C1orf21: variants seen among roughly 807,000 people sequenced by gnomAD.
The protein encoded by C1orf21 is uncharacterized protein C1orf21.
C1orf21 carries 3 observed loss-of-function variants against 18.7 expected under a neutral mutation model. The observed-to-expected ratio is 0.16, with a 90% CI of 0.07 to 0.42. C1orf21 has a LOEUF of 0.42. Among genes scored for constraint, C1orf21 ranks in the 10% least tolerant of loss-of-function variants. The probability of loss-of-function intolerance (pLI) is 0.99; values close to 1 mark genes in which losing one functional copy is unlikely to be tolerated. For missense variants in C1orf21, 104 were observed against 143.6 expected, an observed-to-expected ratio of 0.72 and a Z score of 1.41; for synonymous variants, 41 against 46.4, an observed-to-expected ratio of 0.88 and a Z score of 0.47.
intron 1 of C1orf21, among the ~76,000 whole-genome samples, chr1:184,453,920 T>A (rs61823546): frequency 0.12 from 18,402 of 152,248 alleles, 1,354 homozygotes; most frequent in Middle Eastern, 0.18. Flanking sequence ...TCTTTCCAGC[T>A]GTTGGAGAGA....
At chr1:184,550,522 G>A (rs1658796426) in intron 3 of C1orf21, among the ~76,000 whole-genome samples, 5 of 151,990 alleles carry the variant, frequency 3.3e-5, no homozygotes, top group Admixed American at 2.6e-4. Context: ...TGTTTTGTTT[G>A]TTTCTTTGTT....
intron 3 of C1orf21, among the ~76,000 whole-genome samples, chr1:184,577,335 C>T (rs369506638): frequency 2.6e-5 from 4 of 151,676 alleles, no homozygotes; most frequent in East Asian, 1.9e-4. Flanking sequence ...CGAGGCGGGT[C>T]GGTGATGTGT....
At chr1:184,493,890 TA>T (rs1331529038) in intron 2 of C1orf21, among the ~76,000 whole-genome samples, 2 of 152,232 alleles carry the variant, frequency 1.3e-5, no homozygotes, top group African/African-American at 4.8e-5. Flanking sequence ...AATGTGCTTT[TA>T]ACTCTGATGG....
At chr1:184,448,436 T>A (rs980907416) in intron 1 of C1orf21, among the ~76,000 whole-genome samples, 2 of 152,214 alleles carry the variant, frequency 1.3e-5, no homozygotes, top group East Asian at 3.8e-4. Flanking sequence ...CTGGAGGATT[T>A]GCTGGAATCC....
In C1orf21 at chr1:184,607,393, G is replaced by T. The variant is rs191138754; in HGVS notation, c.327+8932G>T. 1.9e-3 allele frequency among the ~76,000 whole-genome samples: 290 copies of T among 152,096 alleles called. 3 individuals carry two copies. The highest frequency in any genetic ancestry group is 6.8e-3 in the Middle Eastern group (2 of 294). ...ACTTAAAACATCAAATGATTTGTAG[G>T]CATAATATATAAAGAAGTAATATTA... On this transcript the variant is annotated intron_variant, in intron 5 of 5. Coordinates refer to ENST00000235307, the MANE Select transcript of C1orf21 (RefSeq NM_030806.4).
intron 1 of C1orf21, among the ~76,000 whole-genome samples, chr1:184,450,291 G>C (rs1001615774): frequency 4.6e-5 from 7 of 152,082 alleles, no homozygotes; most frequent in African/African-American, 1.4e-4. Context: ...CTGTGAACCT[G>C]GTGCCCCTCC....
At chr1:184,467,790 AC>A (rs761388515) in intron 1 of C1orf21, among the ~76,000 whole-genome samples, 21 of 152,164 alleles carry the variant, frequency 1.4e-4, no homozygotes, top group Non-Finnish European at 2.5e-4. Flanking sequence ...ATTGCCTACT[AC>A]TATGTGCCAG....
chr1:184,401,647 T>TAG (rs1656153022), intron 1 of C1orf21, among the ~76,000 whole-genome samples: 1 of 152,274 alleles, frequency 6.6e-6, no homozygotes, highest in South Asian at 2.1e-4. Context: ...GTGCAGTCAG[T>TAG]ATTATCAGTG....
intron 2 of C1orf21, among the ~76,000 whole-genome samples, chr1:184,503,038 A>G (rs1385259258): frequency 7.2e-6 from 1 of 139,548 alleles, no homozygotes; most frequent in African/African-American, 2.8e-5. Context: ...TGATCATGCC[A>G]TTGCACTCCA....
chr1:184,578,248 G>C (rs1016298997), intron 3 of C1orf21, among the ~76,000 whole-genome samples: 2 of 152,132 alleles, frequency 1.3e-5, no homozygotes, highest in African/African-American at 4.8e-5. Context: ...GAGCCACCAT[G>C]CCTGGCCAGT....
chr1:184,464,673 C>A (rs781368705), intron 1 of C1orf21, among the ~76,000 whole-genome samples: 18 of 152,080 alleles, frequency 1.2e-4, no homozygotes, highest in Admixed American at 8.5e-4. Flanking sequence ...GGAAAGAGAG[C>A]AAATTGAAGG....
At chr1:184,595,699 T>G (rs1659502337) in intron 4 of C1orf21, among the ~76,000 whole-genome samples, 2 of 152,110 alleles carry the variant, frequency 1.3e-5, no homozygotes, top group African/African-American at 2.4e-5. Flanking sequence ...GTGTGGGCAT[T>G]TGCTCCCCCG....
chr1:184,488,291 T>C (rs778026816), intron 2 of C1orf21, among the ~76,000 whole-genome samples: 5 of 152,230 alleles, frequency 3.3e-5, no homozygotes, highest in Non-Finnish European at 7.3e-5. Flanking sequence ...GCCTCATTTC[T>C]TTCAAAGTGT....
chr1:184,390,074 T>C (rs950527218), intron 1 of C1orf21, among the ~76,000 whole-genome samples: 5 of 152,184 alleles, frequency 3.3e-5, no homozygotes, highest in Non-Finnish European at 7.3e-5. Context: ...CGGAGGGAGA[T>C]TGTAGGATAC....
intron 3 of C1orf21, among the ~76,000 whole-genome samples, chr1:184,577,762 G>A (rs1427914475): frequency 6.6e-6 from 1 of 152,036 alleles, no homozygotes; most frequent in East Asian, 1.9e-4. Context: ...CACAAATGGT[G>A]GGTTTTTATT....
At chr1:184,403,930 G>A (rs1386345753) in intron 1 of C1orf21, among the ~76,000 whole-genome samples, 1 of 152,060 alleles carries the variant, frequency 6.6e-6, no homozygotes, top group Non-Finnish European at 1.5e-5. Flanking sequence ...CAGTTTTTTG[G>A]TACCATTTAT....
At chr1:184,522,176 T>C (rs560124084) in intron 3 of C1orf21, among the ~76,000 whole-genome samples, 1 of 152,198 alleles carries the variant, frequency 6.6e-6, no homozygotes, top group Admixed American at 6.5e-5. Context: ...TAGATACAGA[T>C]GGAAACATGG....
At chr1:184,600,563 T>C (rs1659573270) in intron 5 of C1orf21, among the ~76,000 whole-genome samples, 1 of 152,184 alleles carries the variant, frequency 6.6e-6, no homozygotes, top group African/African-American at 2.4e-5. Context: ...TGCTTTTGCA[T>C]CCAGAATGTA....
At position 184,623,920 on chromosome 1, in the gene C1orf21, T is replaced by C. The variant is rs1252297505; in HGVS notation, c.*4364T>C. 1 of 152,632 alleles carries C rather than the reference T, an allele frequency of 6.6e-6. No homozygotes were observed. The highest frequency in any genetic ancestry group is 2.4e-5 in the African/African-American group (1 of 41,452). 9.5% of individuals were successfully genotyped at this position (152,632 alleles called of 1,614,324 possible). ...TTGTACCTTATCTGGAATCTAATCT[T>C]GGGAGAAGAGGAAAAAGGAGCTAAT... On this transcript the variant is annotated 3_prime_UTR_variant, in exon 6 of 6. Coordinates refer to ENST00000235307, the MANE Select transcript of C1orf21 (RefSeq NM_030806.4).
Sources: gnomAD v4.1 joint callset for allele counts (sites outside exome capture counted in the v4.1 genomes callset) on GRCh38, gnomAD v4.1.1 for gene constraint, MANE v1.5 for transcripts, NCBI Gene and HGNC (gene_info 2026-07-23, HGNC 2026-07-21) for gene names.